Variants in CHD7 observed in about 807,000 individuals in gnomAD.
CHD7 encodes chromodomain helicase DNA binding protein 7.
In CHD7, 24 loss-of-function variants were observed where a neutral mutation model predicts 307.3. That is an observed-to-expected ratio of 0.08 (90% confidence interval 0.06 to 0.11). CHD7 has a LOEUF of 0.11. CHD7 is among the 10% of genes least tolerant of loss of function. The pLI, the probability that CHD7 is intolerant of heterozygous loss-of-function variation, is 1.00. For missense variants in CHD7, 3,106 were observed against 3,727.1 expected (o/e 0.83, Z 4.34); for synonymous variants, 1,363 against 1,349.9 (o/e 1.01, Z -0.21).
At chr8:60,820,265 G>T (rs1227151192) in intron 9 of CHD7, among the ~76,000 whole-genome samples, 175 bp downstream of exon 9, 1 of 152,074 alleles carries the variant, frequency 6.6e-6, no homozygotes. Flanking sequence ...CTTAATAATA[G>T]TGCTAAATAT....
chr8:60,826,302 T>C (rs1804252104), intron 13 of CHD7, among the ~76,000 whole-genome samples: 1 of 152,226 alleles, frequency 6.6e-6, no homozygotes, highest in East Asian at 1.9e-4. Flanking sequence ...AAAATATTTA[T>C]TTTTCTAATG....
chr8:60,825,797 C>T (rs1259373717), intron 13 of CHD7, among the ~76,000 whole-genome samples: 3 of 151,698 alleles, frequency 2.0e-5, no homozygotes, highest in Non-Finnish European at 4.4e-5. Flanking sequence ...GGTGAGTACA[C>T]ATTAATTTAA....
At chr8:60,739,607 C>CT (rs1808888770) in intron 1 of CHD7, among the ~76,000 whole-genome samples, 1 of 152,224 alleles carries the variant, frequency 6.6e-6, no homozygotes, top group Non-Finnish European at 1.5e-5. Context: ...AGACCTTTGA[C>CT]TTTAGTTGAC....
In CHD7 at chr8:60,856,218, T is replaced by C. The variant is rs547477059; in HGVS notation, c.7164+16T>C. ...GTTGTCAAAGGTGAATTAGAATGGC[T>C]TGTTTCTGCAGCTTAAAAGGGAGCT... On this transcript the variant is annotated intron_variant, in intron 33 of 37. Transcript: ENST00000423902. 3 of 1,544,344 alleles carry C rather than the reference T, an allele frequency of 1.9e-6. No homozygotes were observed. In the African/African-American group the frequency reaches 4.1e-5, roughly 21 times the overall value.
At chr8:60,693,686 C>G (rs748801428) in intron 1 of CHD7, among the ~76,000 whole-genome samples, 1 of 152,252 alleles carries the variant, frequency 6.6e-6, no homozygotes, top group Admixed American at 6.5e-5. Context: ...TTCCTGACAT[C>G]TGATTGGAAC....
intron 2 of CHD7, among the ~76,000 whole-genome samples, chr8:60,766,947 A>G (rs180954926): frequency 2.8e-4 from 42 of 152,342 alleles, no homozygotes; most frequent in Middle Eastern, 6.8e-3. Context: ...AAAAGCACAG[A>G]TAGAGTTGAG....
intron 2 of CHD7, among the ~76,000 whole-genome samples, chr8:60,749,942 C>G (rs1020395223): frequency 6.6e-6 from 1 of 152,180 alleles, no homozygotes; most frequent in Non-Finnish European, 1.5e-5. Flanking sequence ...AGTAACCTGT[C>G]TGCGTTTTTC....
intron 4 of CHD7, among the ~76,000 whole-genome samples, chr8:60,796,733 A>G (rs915134837): frequency 1.4e-4 from 21 of 152,274 alleles, no homozygotes; most frequent in African/African-American, 4.8e-4. Context: ...TTCAATAGCT[A>G]ATATAAGCAA....
chr8:60,724,629 C>T (rs1392423090), intron 1 of CHD7, among the ~76,000 whole-genome samples: 1 of 152,150 alleles, frequency 6.6e-6, no homozygotes, highest in Non-Finnish European at 1.5e-5. Flanking sequence ...CTTTTTACAA[C>T]TGGTTTCCCC....
chr8:60,817,024 A>G (rs1803781146), intron 8 of CHD7, among the ~76,000 whole-genome samples: 1 of 152,314 alleles, frequency 6.6e-6, no homozygotes, highest in Non-Finnish European at 1.5e-5. Flanking sequence ...AGGTATCAGT[A>G]TAGAAGTACA....
At chr8:60,797,003 C>A (rs1812066092) in intron 4 of CHD7, among the ~76,000 whole-genome samples, 1 of 152,088 alleles carries the variant, frequency 6.6e-6, no homozygotes, top group Non-Finnish European at 1.5e-5. Context: ...TTTTAAGTAT[C>A]TTTTCTAAAG....
chr8:60,765,024 C>T (rs1045446107), intron 2 of CHD7, among the ~76,000 whole-genome samples: 7 of 152,184 alleles, frequency 4.6e-5, no homozygotes, highest in African/African-American at 1.4e-4. Flanking sequence ...TGTAAATGCA[C>T]GAGGCAGCAT....
intron 1 of CHD7, among the ~76,000 whole-genome samples, chr8:60,728,141 CTG>C (rs1375842653): frequency 2.0e-5 from 3 of 152,216 alleles, no homozygotes; most frequent in Admixed American, 6.5e-5. Flanking sequence ...AGCTTAAAAA[CTG>C]TGGATTATTT....
chr8:60,742,415 T>G lies in CHD7; in HGVS notation c.983T>G (p.Met328Arg). Residue 328 changes from methionine (M) to arginine (R), a missense_variant, in exon 2 of 38, where the codon ATG (methionine) becomes AGG (arginine). Coordinates refer to ENST00000423902, the MANE Select transcript of CHD7 (RefSeq NM_017780.4). ...LNQGLVNNTGMNQNLGLTNNT... is the reference protein window; with the variant it reads ...LNQGLVNNTGRNQNLGLTNNT... ...CAGGGATTAGTTAACAATACAGGGA[T>G]GAATCAAAATTTAGGCCTTACAAAT... 1 of 1,614,022 alleles carries G rather than the reference T, an allele frequency of 6.2e-7. No individual in the cohort carries two copies.
At chr8:60,692,280 C>T (rs370962183) in intron 1 of CHD7, among the ~76,000 whole-genome samples, 4 of 152,118 alleles carry the variant, frequency 2.6e-5, no homozygotes, top group African/African-American at 9.7e-5. Flanking sequence ...ACTGATTAAG[C>T]GTTTGAAACC....
chr8:60,845,150 T>A, intron 22 of CHD7, 87 bp downstream of exon 22: 7 of 1,576,508 alleles, frequency 4.4e-6, no homozygotes, highest in Non-Finnish European at 6.1e-6. Context: ...AGATGTGACA[T>A]AAACCCCATA....
chr8:60,753,482 A>G (rs900619913), intron 2 of CHD7, among the ~76,000 whole-genome samples: 3 of 152,194 alleles, frequency 2.0e-5, no homozygotes, highest in Non-Finnish European at 4.4e-5. Context: ...AGAAAGTTCA[A>G]AACCAATATT....
chr8:60,844,305 G>T (rs1805104805), intron 21 of CHD7, among the ~76,000 whole-genome samples: 1 of 152,144 alleles, frequency 6.6e-6, no homozygotes. Context: ...AGAATATCTT[G>T]CCTGTGATGG....
At chr8:60,727,303 T>C (rs1425264088) in intron 1 of CHD7, among the ~76,000 whole-genome samples, 1 of 152,064 alleles carries the variant, frequency 6.6e-6, no homozygotes, top group African/African-American at 2.4e-5. Context: ...AATTTTTGTA[T>C]TTTTAGTAGA....
Sources: gnomAD v4.1 joint callset for allele counts (sites outside exome capture counted in the v4.1 genomes callset) on GRCh38, gnomAD v4.1.1 for gene constraint, MANE v1.5 for transcripts, NCBI Gene and HGNC (gene_info 2026-07-23, HGNC 2026-07-21) for gene names.